Variants in NCALD observed in about 807,000 individuals in gnomAD.
The protein encoded by NCALD is neurocalcin delta.
NCALD carries 10 observed loss-of-function variants against 18.6 expected under a neutral mutation model. The ratio of observed to expected loss-of-function variants is 0.54; its 90% CI spans 0.33 to 0.91. The LOEUF (loss-of-function observed/expected upper bound fraction) is 0.91, where lower values mean the gene tolerates loss of function less well. Ranked by LOEUF, NCALD falls within the 40% of genes least tolerant of loss-of-function variation. The pLI, the probability that NCALD is intolerant of heterozygous loss-of-function variation, is 0.03. For missense variants in NCALD, 184 were observed against 247.6 expected (o/e 0.74, Z 1.72); for synonymous variants, 88 against 87.4 (o/e 1.01, Z -0.04).
At chr8:101,925,967 A>G (rs1818323597) in intron 2 of NCALD, among the ~76,000 whole-genome samples, 1 of 152,170 alleles carries the variant, frequency 6.6e-6, no homozygotes, top group Admixed American at 6.5e-5. Flanking sequence ...GTCCCCTGCA[A>G]TGGGTCTATG....
chr8:101,701,181 G>A (rs1815249243), intron 2 of NCALD, among the ~76,000 whole-genome samples: 1 of 152,148 alleles, frequency 6.6e-6, no homozygotes, highest in Non-Finnish European at 1.5e-5. Flanking sequence ...ACAACCGAGA[G>A]CTGATTGTAT....
intron 2 of NCALD, among the ~76,000 whole-genome samples, chr8:101,927,668 TTAGGC>T (rs1305678058): frequency 1.3e-5 from 2 of 151,796 alleles, no homozygotes; most frequent in African/African-American, 4.8e-5. Flanking sequence ...AGTGGAAAAA[TTAGGC>T]TAGAGAAGAT....
chr8:102,124,103 G>T (rs947437586), intron 1 of NCALD: 51 of 152,094 alleles, frequency 3.4e-4, no homozygotes, highest in African/African-American at 1.2e-3. Flanking sequence ...CGCGCTCCTC[G>T]AACCCACCCC....
intron 2 of NCALD, chr8:101,950,138 TA>T (rs766091315): frequency 6.6e-6 from 1 of 152,250 alleles, no homozygotes; most frequent in South Asian, 2.1e-4. Flanking sequence ...AAAATGACAG[TA>T]AAAGGATTTT....
At chr8:101,804,610 T>TTATATAATATATAATTAATATAATTAAC (rs1813022490) in intron 4 of NCALD, among the ~76,000 whole-genome samples, 3 of 129,814 alleles carry the variant, frequency 2.3e-5, no homozygotes, top group Admixed American at 8.5e-5. Flanking sequence ...ATATAATTAA[T>TTATATAATATATAATTAATATAATTAAC]TATATAATAT....
chr8:101,744,933 A>G (rs896735814), intron 1 of NCALD, among the ~76,000 whole-genome samples: 1 of 151,706 alleles, frequency 6.6e-6, no homozygotes, highest in Admixed American at 6.6e-5. Context: ...ATAAAATTTA[A>G]TAATCGTATG....
intron 4 of NCALD, among the ~76,000 whole-genome samples, chr8:101,807,573 G>A (rs972195405): frequency 3.9e-5 from 6 of 152,088 alleles, no homozygotes; most frequent in African/African-American, 1.4e-4. Flanking sequence ...AGGGTTATCT[G>A]GTTTTACAAC....
chr8:101,899,165 ATAAT>A (rs1275890728), intron 3 of NCALD, among the ~76,000 whole-genome samples: 2 of 152,060 alleles, frequency 1.3e-5, no homozygotes, highest in East Asian at 1.9e-4. Flanking sequence ...ATGATATTGT[ATAAT>A]TAATTTTTAT....
intron 4 of NCALD, among the ~76,000 whole-genome samples, chr8:101,803,092 C>G (rs1812931523): frequency 6.6e-6 from 1 of 152,094 alleles, no homozygotes; most frequent in South Asian, 2.1e-4. Flanking sequence ...AGAGAGAAGT[C>G]AATGGCTGGC....
chr8:101,742,719 T>C (rs1810259064), intron 1 of NCALD, among the ~76,000 whole-genome samples: 1 of 152,198 alleles, frequency 6.6e-6, no homozygotes, highest in African/African-American at 2.4e-5. Context: ...GGTAGGTTTG[T>C]TACATAGGTA....
chr8:101,781,823 T>C (rs547681491), intron 1 of NCALD, among the ~76,000 whole-genome samples: 1 of 152,152 alleles, frequency 6.6e-6, no homozygotes, highest in East Asian at 1.9e-4. Context: ...ATATGTTATA[T>C]ACACTTTTTT....
chr8:101,892,475 C>G (rs1264946), intron 3 of NCALD, among the ~76,000 whole-genome samples: 6 of 146,018 alleles, frequency 4.1e-5, no homozygotes, highest in Non-Finnish European at 7.4e-5. Flanking sequence ...TCCAAAGGAA[C>G]GCAGTTCCTC....
At chr8:101,706,311 A>G (rs1815518228) in intron 2 of NCALD, among the ~76,000 whole-genome samples, 1 of 150,470 alleles carries the variant, frequency 6.6e-6, no homozygotes, top group Non-Finnish European at 1.5e-5. Context: ...AGATAGTAAG[A>G]CTATTTAAAA....
intron 1 of NCALD, among the ~76,000 whole-genome samples, chr8:102,036,143 AAATT>A (rs1055438867): frequency 3.4e-5 from 5 of 148,326 alleles, no homozygotes; most frequent in East Asian, 2.0e-4. Flanking sequence ...ATAAATAAAT[AAATT>A]AATTAATTAA....
At chr8:102,021,726 T>C (rs191465577) in intron 1 of NCALD, among the ~76,000 whole-genome samples, 68 of 152,288 alleles carry the variant, frequency 4.5e-4, no homozygotes, top group African/African-American at 1.6e-3. Flanking sequence ...CCCTAACTAC[T>C]TTTTTGTCCT....
In NCALD at chr8:101,688,551, G is replaced by A. The variant is rs1054339051; in HGVS notation, c.*758C>T. 4.8e-6 allele frequency: 2 copies of A among 413,580 alleles called. No homozygotes were observed. Among genetic ancestry groups the A allele is most frequent in the Non-Finnish European group, 9.6e-6 (2 of 207,418 alleles). 25.6% of individuals were successfully genotyped at this position (413,580 alleles called of 1,614,324 possible). ...CAAGGCAAAACACTTAATTTGGTCT[G>A]CATTACCCAATATGTTATATACAGC... On this transcript the variant is annotated 3_prime_UTR_variant, in exon 4 of 4. Transcript: ENST00000220931.
chr8:101,920,517 T>C (rs980423992), intron 2 of NCALD, among the ~76,000 whole-genome samples: 10 of 152,180 alleles, frequency 6.6e-5, no homozygotes. Flanking sequence ...ACATATGTGG[T>C]ACATATATAC....
At chr8:102,107,221 TATATATATATATATATATAC>T (rs1216098785) in intron 1 of NCALD, among the ~76,000 whole-genome samples, 15 of 132,136 alleles carry the variant, frequency 1.1e-4, no homozygotes, top group Admixed American at 5.1e-4. Context: ...TATATATATA[TATATATATATATATATATAC>T]ACATAGAAAT....
intron 4 of NCALD, among the ~76,000 whole-genome samples, chr8:101,838,735 T>G (rs1473090772): frequency 6.6e-6 from 1 of 152,258 alleles, no homozygotes; most frequent in Non-Finnish European, 1.5e-5. Flanking sequence ...TGCTTTTTGA[T>G]TTTTGTCAGT....
Sources: gnomAD v4.1 joint callset for allele counts (sites outside exome capture counted in the v4.1 genomes callset) on GRCh38, gnomAD v4.1.1 for gene constraint, MANE v1.5 for transcripts, NCBI Gene and HGNC (gene_info 2026-07-23, HGNC 2026-07-21) for gene names.